PEAK1: variants seen among roughly 807,000 people sequenced by gnomAD.
PEAK1 encodes pseudopodium enriched atypical kinase 1, also known as inactive tyrosine-protein kinase PEAK1.
PEAK1 carries 54 observed loss-of-function variants against 124.7 expected under a neutral mutation model. The observed-to-expected ratio is 0.43, with a 90% CI of 0.35 to 0.54. The LOEUF (loss-of-function observed/expected upper bound fraction) is 0.54, where lower values mean the gene tolerates loss of function less well. Among genes scored for constraint, PEAK1 ranks in the 20% least tolerant of loss-of-function variants. The pLI, the probability that PEAK1 is intolerant of heterozygous loss-of-function variation, is 0.01. For synonymous variants in PEAK1, 719 were observed against 760.0 expected (o/e 0.95, Z 0.89); for missense variants, 2,046 against 2,134.5 (o/e 0.96, Z 0.82).
intron 2 of PEAK1, chr15:77,335,227 G>C (rs2066127000): frequency 1.0e-6 from 1 of 985,294 alleles, no homozygotes. Flanking sequence ...TTCTCCTTCA[G>C]GGGCTCCTCC....
chr15:77,377,455 T>TC (rs2069121416), intron 1 of PEAK1, among the ~76,000 whole-genome samples: 1 of 151,004 alleles, frequency 6.6e-6, no homozygotes, highest in African/African-American at 2.4e-5. Context: ...TTATATATAC[T>TC]CTTTTTTTTT....
At chr15:77,138,070 T>G (rs550198314) in intron 8 of PEAK1, among the ~76,000 whole-genome samples, 1 of 152,330 alleles carries the variant, frequency 6.6e-6, no homozygotes, top group Non-Finnish European at 1.5e-5. Context: ...TGCTCCTCCT[T>G]GCCTTCCACC....
chr15:77,118,033 A>AAT (rs1006278031), intron 9 of PEAK1, among the ~76,000 whole-genome samples: 2 of 152,200 alleles, frequency 1.3e-5, no homozygotes, highest in Non-Finnish European at 2.9e-5. Flanking sequence ...GAAATGATAA[A>AAT]TTGTTTCACG....
At chr15:77,246,804 G>C (rs1053590496) in intron 6 of PEAK1, among the ~76,000 whole-genome samples, 1 of 152,118 alleles carries the variant, frequency 6.6e-6, no homozygotes, top group Non-Finnish European at 1.5e-5. Context: ...CGGATCACGA[G>C]GTCAGGAGTT....
At chr15:77,355,574 G>A (rs975089176) in intron 2 of PEAK1, among the ~76,000 whole-genome samples, 25 of 152,130 alleles carry the variant, frequency 1.6e-4, no homozygotes, top group African/African-American at 6.0e-4. Context: ...ATTCAGAGAA[G>A]CAATACTGAA....
At chr15:77,348,250 C>T in intron 2 of PEAK1, 7 of 943,300 alleles carry the variant, frequency 7.4e-6, no homozygotes, top group Non-Finnish European at 8.8e-6. Context: ...ACCTCTCACA[C>T]TAATTAGCGT....
intron 2 of PEAK1, among the ~76,000 whole-genome samples, chr15:77,301,200 G>C (rs1193229527): frequency 6.6e-6 from 1 of 152,146 alleles, no homozygotes; most frequent in African/African-American, 2.4e-5. Context: ...ATCATTCCTT[G>C]ACTCTTCTAA....
chr15:77,340,146 C>G (rs139187410), intron 2 of PEAK1, among the ~76,000 whole-genome samples: 13 of 152,182 alleles, frequency 8.5e-5, no homozygotes, highest in African/African-American at 3.1e-4. Context: ...ATTTGAGAAC[C>G]AATGTCCACA....
intron 2 of PEAK1, among the ~76,000 whole-genome samples, chr15:77,342,405 C>CTTTTT (rs35640042): frequency 8.7e-6 from 1 of 114,378 alleles, no homozygotes; most frequent in East Asian, 2.3e-4. Flanking sequence ...TACAGCATGT[C>CTTTTT]TTTTTTTTTT....
chr15:77,272,194 T>C (rs112986583), intron 5 of PEAK1, among the ~76,000 whole-genome samples: 1 of 151,972 alleles, frequency 6.6e-6, no homozygotes, highest in Non-Finnish European at 1.5e-5. Context: ...AGGTCACACC[T>C]CAAGGAGCTA....
At chr15:77,331,895 C>A (rs2065910291) in intron 2 of PEAK1, among the ~76,000 whole-genome samples, 1 of 151,814 alleles carries the variant, frequency 6.6e-6, no homozygotes, top group Non-Finnish European at 1.5e-5. Context: ...GGATTACAGG[C>A]ATAAGCCACT....
At chr15:77,246,148 A>G (rs2060575202) in intron 6 of PEAK1, among the ~76,000 whole-genome samples, 1 of 151,884 alleles carries the variant, frequency 6.6e-6, no homozygotes, top group African/African-American at 2.4e-5. Flanking sequence ...AGCTGGGACT[A>G]CAGGCGCGTG....
At position 77,120,376 on chromosome 15, in the gene PEAK1, C is replaced by T. The variant is rs199843401; in HGVS notation, c.4078-5057G>A. ...TGTCCTAACCCATAGATTACTTAAA[C>T]TCAACATAACCAAACCTGAACTCTC... On this transcript the variant is annotated intron_variant, in intron 9 of 9. Transcript: ENST00000682557. Among the ~76,000 whole-genome samples, 7 of 152,266 alleles carry T rather than the reference C, an allele frequency of 4.6e-5. No individual in the cohort carries two copies. The East Asian group carries it at 1.4e-3, about 29-fold the overall frequency.
At chr15:77,245,516 T>G (rs1000099445) in intron 6 of PEAK1, among the ~76,000 whole-genome samples, 17 of 152,094 alleles carry the variant, frequency 1.1e-4, no homozygotes, top group African/African-American at 4.1e-4. Context: ...CTGGCCAACA[T>G]GATGAAACCC....
Position 77,181,530 on chromosome 15 carries a change from A to T in PEAK1, c.397T>A (p.Tyr133Asn). 1.2e-6 allele frequency: 2 copies of T among 1,614,062 alleles called. No individual in the cohort carries two copies. Among genetic ancestry groups the T allele is most frequent in the Non-Finnish European group, 1.7e-6 (2 of 1,179,996 alleles). The change falls in exon 7 of 10, where the codon TAT becomes AAT. Residue 133 changes from tyrosine to asparagine, a missense_variant. By Grantham distance (143) the Tyr-to-Asn change is moderately radical. Transcript: ENST00000682557. ...TTCTTTGCACTATCATTATTGCCAT[A>T]AGGCTTAGGAACATGGCTAATTCCT... The part of the protein sequence containing the change: ...DEGISHVPKP[Y>N]GNNDSAKKMS...
intron 7 of PEAK1, among the ~76,000 whole-genome samples, chr15:77,173,475 C>A (rs1405508276): frequency 6.6e-6 from 1 of 152,080 alleles, no homozygotes; most frequent in African/African-American, 2.4e-5. Context: ...CATTTAAAAT[C>A]TACTTTTTTA....
downstream of PEAK1, chr15:77,103,518 C>T (rs2050715825): frequency 6.6e-6 from 1 of 152,170 alleles, no homozygotes; most frequent in South Asian, 2.1e-4. Context: ...TGGAACCCTA[C>T]AGCTATATGC....
chr15:77,322,945 G>C lies in PEAK1; in HGVS notation c.-602-36441C>G, dbSNP rs556646266. Among the ~76,000 whole-genome samples, 498 of 152,278 alleles carry C rather than the reference G, an allele frequency of 3.3e-3. 2 individuals carry two copies. Among genetic ancestry groups the C allele is most frequent in the African/African-American group, 0.011 (472 of 41,540 alleles). On this transcript the variant is annotated intron_variant, in intron 2 of 9. Transcript: ENST00000682557. ...AAAAGCTTATCCACCATGATCAAGA[G>C]GGCTTCATCCCTGGGATGCAAGGCT...
intron 6 of PEAK1, among the ~76,000 whole-genome samples, chr15:77,210,986 C>G (rs2058877595): frequency 6.6e-6 from 1 of 152,204 alleles, no homozygotes; most frequent in Non-Finnish European, 1.5e-5. Context: ...CCAGGGTTTT[C>G]TACTTCTAGA....
Sources: allele counts gnomAD v4.1 joint callset (sites outside exome capture counted in the v4.1 genomes callset), GRCh38; gene constraint gnomAD v4.1.1; transcripts MANE v1.5; gene names NCBI Gene and HGNC (gene_info 2026-07-23, HGNC 2026-07-21).